The following EPHA6 variants were observed in gnomAD, a reference collection of about 807,000 sequenced individuals.
EPHA6 encodes EPH receptor A6.
Under a neutral mutation model 112.0 loss-of-function variants are expected in EPHA6, and 50 were observed. The ratio of observed to expected loss-of-function variants is 0.45; its 90% CI spans 0.36 to 0.56. The LOEUF is 0.56. Among genes scored for constraint, EPHA6 ranks in the 20% least tolerant of loss-of-function variants. The pLI is 0.00. For synonymous variants in EPHA6, 529 were observed against 490.7 expected (o/e 1.08, Z -1.03); for missense variants, 1,280 against 1,417.4 (o/e 0.90, Z 1.56).
At chr3:96,816,379 G>C (rs930033666) in intron 1 of EPHA6, among the ~76,000 whole-genome samples, 2 of 152,104 alleles carry the variant, frequency 1.3e-5, no homozygotes, top group African/African-American at 2.4e-5. Context: ...CTGTTTTGCT[G>C]TGGTGGTATA....
In EPHA6 at chr3:97,274,863, AG is replaced by A. The variant is rs1236581556; in HGVS notation, c.1606+30577del. Among the ~76,000 whole-genome samples, 3 of 152,292 alleles carry A rather than the reference AG, an allele frequency of 2.0e-5. No homozygotes were observed. The East Asian group carries it at 5.8e-4, about 29-fold the overall frequency. ...AGAATAATGTGGGAGGCCGGATTGA[AG>A]TCCAGGCCAGGAACAATGGTAATTG... On this transcript the variant is annotated intron_variant, in intron 5 of 17. Transcript: ENST00000389672.
chr3:97,553,695 A>G (rs755946430), intron 11 of EPHA6, among the ~76,000 whole-genome samples: 1 of 152,074 alleles, frequency 6.6e-6, no homozygotes, highest in Non-Finnish European at 1.5e-5. Context: ...ACAATTTAAG[A>G]TGAGATTTGG....
At chr3:97,255,495 G>A (rs2079281663) in intron 5 of EPHA6, among the ~76,000 whole-genome samples, 1 of 151,974 alleles carries the variant, frequency 6.6e-6, no homozygotes, top group Non-Finnish European at 1.5e-5. Context: ...CTCAAAATAG[G>A]GAAGTGTTTA....
In EPHA6 at chr3:97,127,438, G is replaced by A. The variant is rs575721865; in HGVS notation, c.1115-98826G>A. On this transcript the variant is annotated intron_variant, in intron 3 of 17. Coordinates refer to ENST00000389672, the MANE Select transcript of EPHA6 (RefSeq NM_001080448.3). ...GCTGGGGCAAGAGAATGAACTTCCC[G>A]GCTGGGCACTGTGGCTCACACCTGT... Among the ~76,000 whole-genome samples the A allele has an allele frequency of 7.2e-4, 110 of 152,194 alleles. 1 individual carries two copies. The highest frequency in any genetic ancestry group is 2.2e-3 in the Admixed American group (33 of 15,280).
At chr3:97,542,269 T>A (rs1039764444) in intron 11 of EPHA6, among the ~76,000 whole-genome samples, 2 of 151,880 alleles carry the variant, frequency 1.3e-5, no homozygotes, top group African/African-American at 4.8e-5. Context: ...CAGTACCCAG[T>A]GTGTGTGATG....
intron 1 of EPHA6, among the ~76,000 whole-genome samples, chr3:96,828,626 G>A (rs1020702739): frequency 3.9e-5 from 6 of 152,124 alleles, no homozygotes; most frequent in Non-Finnish European, 8.8e-5. Flanking sequence ...TTCGACCATG[G>A]TTTCTGGCCA....
intron 2 of EPHA6, among the ~76,000 whole-genome samples, chr3:96,943,040 C>A (rs2041061495): frequency 6.6e-6 from 1 of 151,926 alleles, no homozygotes; most frequent in Admixed American, 6.6e-5. Context: ...ATTCTCTTTT[C>A]TACTTTTATA....
chr3:96,959,577 C>A (rs1391490862), intron 2 of EPHA6, among the ~76,000 whole-genome samples: 1 of 151,718 alleles, frequency 6.6e-6, no homozygotes, highest in African/African-American at 2.4e-5. Flanking sequence ...TGACTAATTC[C>A]AAGTGACAAA....
intron 10 of EPHA6, among the ~76,000 whole-genome samples, chr3:97,506,142 A>G (rs1167297679): frequency 1.3e-5 from 2 of 151,872 alleles, no homozygotes; most frequent in Non-Finnish European, 2.9e-5. Flanking sequence ...TTGCCTGTTC[A>G]CTCTGATGAT....
chr3:97,284,721 T>A (rs1435342704), intron 5 of EPHA6, among the ~76,000 whole-genome samples: 2 of 152,180 alleles, frequency 1.3e-5, no homozygotes, highest in African/African-American at 4.8e-5. Context: ...GTTATAATAA[T>A]GATTCATGAC....
intron 1 of EPHA6, among the ~76,000 whole-genome samples, chr3:96,849,077 A>G (rs1241458262): frequency 1.3e-5 from 2 of 152,164 alleles, no homozygotes; most frequent in African/African-American, 4.8e-5. Flanking sequence ...TCAAAGCTGA[A>G]GTAAATAAGA....
intron 3 of EPHA6, among the ~76,000 whole-genome samples, chr3:97,206,734 G>C (rs1372355491): frequency 6.6e-6 from 1 of 151,484 alleles, no homozygotes; most frequent in Non-Finnish European, 1.5e-5. Context: ...ATCTCTTCAG[G>C]GACTAGGTTT....
In EPHA6 at chr3:96,943,199, G is replaced by GTA. The variant is rs1379535095; in HGVS notation, c.451-44121_451-44120dup. ...TTATGTCTGAATAATATTCTTTTTT[G>GTA]TATATATATATTTTTTTCTTTATCC... On this transcript the variant is annotated intron_variant, in intron 2 of 17. Transcript: ENST00000389672. Among the ~76,000 whole-genome samples, 27 of 151,582 alleles carry GTA rather than the reference G, an allele frequency of 1.8e-4. No individual in the cohort carries two copies. In the East Asian group the frequency reaches 4.7e-3, roughly 26 times the overall value.
chr3:96,977,935 T>G (rs1340024015), intron 2 of EPHA6, among the ~76,000 whole-genome samples: 1 of 152,074 alleles, frequency 6.6e-6, no homozygotes, highest in East Asian at 1.9e-4. Flanking sequence ...AAGGCAGGTG[T>G]ATCACCTGAG....
intron 13 of EPHA6, among the ~76,000 whole-genome samples, chr3:97,632,276 ATATC>A (rs1436298118): frequency 1.3e-5 from 2 of 152,058 alleles, no homozygotes; most frequent in East Asian, 3.9e-4. Flanking sequence ...AATTTAGTGA[ATATC>A]TATTAAATAT....
At chr3:97,282,952 C>A (rs2080338645) in intron 5 of EPHA6, among the ~76,000 whole-genome samples, 1 of 152,052 alleles carries the variant, frequency 6.6e-6, no homozygotes, top group Admixed American at 6.6e-5. Flanking sequence ...ACCTGTGTAA[C>A]AAACCTCCAT....
intron 14 of EPHA6, among the ~76,000 whole-genome samples, chr3:97,718,459 T>G (rs184149499): frequency 0.026 from 3,950 of 151,722 alleles, 67 homozygotes; most frequent in Non-Finnish European, 0.042. Flanking sequence ...AATGATTTGG[T>G]TTTTTTTAAG....
At chr3:96,939,500 T>G (rs1176987697) in intron 2 of EPHA6, among the ~76,000 whole-genome samples, 1 of 152,216 alleles carries the variant, frequency 6.6e-6, no homozygotes, top group African/African-American at 2.4e-5. Context: ...TCTCTTTTCT[T>G]CTTTATTAGT....
intron 5 of EPHA6, among the ~76,000 whole-genome samples, chr3:97,355,336 T>A (rs1007197537): frequency 6.6e-6 from 1 of 152,086 alleles, no homozygotes; most frequent in Admixed American, 6.6e-5. Context: ...TAATAAGATA[T>A]AAATAGAAAC....
Sources: gnomAD v4.1 joint callset for allele counts (sites outside exome capture counted in the v4.1 genomes callset) on GRCh38, gnomAD v4.1.1 for gene constraint, MANE v1.5 for transcripts, NCBI Gene and HGNC (gene_info 2026-07-23, HGNC 2026-07-21) for gene names.